Variants in CCSER1 observed in about 807,000 individuals in gnomAD.
CCSER1 encodes the protein coiled-coil serine rich protein 1.
CCSER1 carries 41 observed loss-of-function variants against 82.0 expected under a neutral mutation model. The observed-to-expected ratio is 0.50, with a 90% confidence interval of 0.39 to 0.65. CCSER1 has a LOEUF of 0.65. Ranked by LOEUF, CCSER1 falls within the 30% of genes least tolerant of loss-of-function variation. The pLI is 0.00. For synonymous variants in CCSER1, 414 were observed against 383.9 expected (o/e 1.08, Z -0.92); for missense variants, 1,119 against 1,064.2 (o/e 1.05, Z -0.72).
chr4:91,438,233 C>A (rs922065281), intron 10 of CCSER1, among the ~76,000 whole-genome samples: 2 of 152,230 alleles, frequency 1.3e-5, no homozygotes, highest in African/African-American at 2.4e-5. Flanking sequence ...AGGCACCCCC[C>A]AGTAGGGGCA....
intron 9 of CCSER1, among the ~76,000 whole-genome samples, chr4:91,035,792 A>G (rs1379339601): frequency 6.6e-6 from 1 of 152,210 alleles, no homozygotes; most frequent in Non-Finnish European, 1.5e-5. Flanking sequence ...TGTGGGTTTC[A>G]TATTTTCAGG....
At chr4:90,718,706 G>A (rs1742127441) in intron 6 of CCSER1, among the ~76,000 whole-genome samples, 1 of 152,066 alleles carries the variant, frequency 6.6e-6, no homozygotes, top group South Asian at 2.1e-4. Context: ...AAAACTCAGA[G>A]GCTATGAGTA....
At chr4:90,742,630 T>G (rs932883535) in intron 7 of CCSER1, among the ~76,000 whole-genome samples, 4 of 152,136 alleles carry the variant, frequency 2.6e-5, no homozygotes, top group Non-Finnish European at 5.9e-5. Flanking sequence ...TTGAAAAAAA[T>G]AACTTTCAAT....
At chr4:91,509,279 G>A (rs553407608) in intron 10 of CCSER1, among the ~76,000 whole-genome samples, 1 of 151,840 alleles carries the variant, frequency 6.6e-6, no homozygotes, top group East Asian at 1.9e-4. Flanking sequence ...AATCCATTTT[G>A]GTTCATTGTA....
At position 90,153,363 on chromosome 4, in the gene CCSER1, T is replaced by A. The variant is rs1418747099; in HGVS notation, c.-42+25532T>A. 6.6e-5 allele frequency among the ~76,000 whole-genome samples: 10 copies of A among 152,288 alleles called. No individual in the cohort carries two copies. The South Asian group carries it at 1.9e-3, about 28-fold the overall frequency. On this transcript the variant is annotated intron_variant, in intron 1 of 10. Transcript: ENST00000509176. Reference sequence around the variant, plus strand: ...ATAAACATACATGTGCATGTGTCTTTATAGCAGCATGATTTACAGTCCTTT... The same window carrying A: ...ATAAACATACATGTGCATGTGTCTTAATAGCAGCATGATTTACAGTCCTTT...
At chr4:90,655,475 CTA>C (rs2149068214) in intron 6 of CCSER1, among the ~76,000 whole-genome samples, 1 of 152,000 alleles carries the variant, frequency 6.6e-6, no homozygotes, top group African/African-American at 2.4e-5. Context: ...AAACAAAACA[CTA>C]TTTTCTAACC....
intron 8 of CCSER1, among the ~76,000 whole-genome samples, chr4:90,894,026 T>C (rs1723343075): frequency 6.6e-6 from 1 of 151,998 alleles, no homozygotes; most frequent in Non-Finnish European, 1.5e-5. Flanking sequence ...AAAATGAAAA[T>C]AGATGTTCTG....
At chr4:90,740,878 A>G (rs936293078) in intron 7 of CCSER1, among the ~76,000 whole-genome samples, 18 of 152,116 alleles carry the variant, frequency 1.2e-4, no homozygotes, top group African/African-American at 4.3e-4. Flanking sequence ...TAATCAAAGG[A>G]TTCATTTAAG....
intron 7 of CCSER1, chr4:90,781,164 C>T: frequency 1.7e-6 from 1 of 605,474 alleles, no homozygotes; most frequent in African/African-American, 2.0e-5. Flanking sequence ...CCCACCAAGC[C>T]CCACCTCCAG....
At chr4:90,227,970 C>T (rs1241118412) in intron 1 of CCSER1, among the ~76,000 whole-genome samples, 4 of 152,204 alleles carry the variant, frequency 2.6e-5, no homozygotes, top group Non-Finnish European at 5.9e-5. Flanking sequence ...TCGGAGGGTC[C>T]TACGCCCATG....
At chr4:90,530,437 T>C (rs1160390341) in intron 5 of CCSER1, among the ~76,000 whole-genome samples, 1 of 151,960 alleles carries the variant, frequency 6.6e-6, no homozygotes, top group Admixed American at 6.6e-5. Flanking sequence ...GTACAGAGAT[T>C]GTTGCAAGGG....
chr4:90,479,765 C>T (rs1409293129), intron 5 of CCSER1, among the ~76,000 whole-genome samples: 2 of 152,116 alleles, frequency 1.3e-5, no homozygotes, highest in South Asian at 4.1e-4. Flanking sequence ...TTTACTTAAT[C>T]CAGTCTATCA....
rs558634346 is a variant in CCSER1 at position 90,481,862 on chromosome 4, G to C, written c.1724+13508G>C. On this transcript the variant is annotated intron_variant, in intron 5 of 10. Coordinates refer to ENST00000509176, the MANE Select transcript of CCSER1 (RefSeq NM_001145065.2). ...TTTGTTGCATCTCTGCCAGGCTTTG[G>C]TATCAGGATGATGGTTGCCTCATAA... Among the ~76,000 whole-genome samples, 111 of 152,246 alleles carry C rather than the reference G, an allele frequency of 7.3e-4. 3 individuals carry two copies. In the South Asian group the frequency reaches 0.022, roughly 30 times the overall value.
intron 9 of CCSER1, among the ~76,000 whole-genome samples, chr4:91,081,407 A>T (rs1239665410): frequency 6.6e-6 from 1 of 152,142 alleles, no homozygotes; most frequent in Non-Finnish European, 1.5e-5. Flanking sequence ...TTCATGGGAC[A>T]TATCTCAAAA....
chr4:90,489,788 T>C (rs189943815), intron 5 of CCSER1, among the ~76,000 whole-genome samples: 60 of 152,238 alleles, frequency 3.9e-4, no homozygotes, highest in African/African-American at 1.3e-3. Context: ...TTTTTGTCCT[T>C]GCGATAGTTT....
intron 5 of CCSER1, among the ~76,000 whole-genome samples, chr4:90,477,744 A>T (rs1765312746): frequency 6.6e-6 from 1 of 152,062 alleles, no homozygotes; most frequent in South Asian, 2.1e-4. Context: ...TACTCAAAAA[A>T]TACCTGAGAA....
Position 90,938,386 on chromosome 4 carries a change from CTAAT to C in CCSER1, c.2172+14942_2172+14945del, listed in dbSNP as rs1012537489. Among the ~76,000 whole-genome samples the C allele has an allele frequency of 6.6e-5, 10 of 152,118 alleles. No individual in the cohort carries two copies. In the East Asian group the frequency reaches 1.2e-3, roughly 18 times the overall value. On this transcript the variant is annotated intron_variant, in intron 9 of 10. Coordinates refer to ENST00000509176, the MANE Select transcript of CCSER1 (RefSeq NM_001145065.2). Reference sequence around the variant, plus strand: ...GTTTATTAGAACTTGTTTTTGTACTCTAATTATAAAACCAAGGGAATGAAAATAT... The same window carrying C: ...GTTTATTAGAACTTGTTTTTGTACTCTATAAAACCAAGGGAATGAAAATAT...
At chr4:91,311,146 A>G (rs1268053777) in intron 10 of CCSER1, among the ~76,000 whole-genome samples, 1 of 151,966 alleles carries the variant, frequency 6.6e-6, no homozygotes, top group Admixed American at 6.6e-5. Flanking sequence ...TTCATCTGAC[A>G]TATGTTAAAA....
chr4:91,556,552 A>C (rs1762414801), intron 10 of CCSER1, among the ~76,000 whole-genome samples: 1 of 151,030 alleles, frequency 6.6e-6, no homozygotes, highest in Non-Finnish European at 1.5e-5. Flanking sequence ...AAAACCTTTG[A>C]ATGAAAAAAG....
Sources: allele counts gnomAD v4.1 joint callset (sites outside exome capture counted in the v4.1 genomes callset), GRCh38; gene constraint gnomAD v4.1.1; transcripts MANE v1.5; gene names NCBI Gene and HGNC (gene_info 2026-07-23, HGNC 2026-07-21).